DACH2: variants seen among roughly 807,000 people sequenced by gnomAD.
DACH2 encodes the protein dachshund homolog 2.
Under a neutral mutation model 35.8 loss-of-function variants are expected in DACH2, and 17 were observed. The observed-to-expected ratio is 0.48, with a 90% confidence interval of 0.33 to 0.71. The LOEUF (loss-of-function observed/expected upper bound fraction) is 0.71. Ranked by LOEUF, DACH2 falls within the 30% of genes least tolerant of loss-of-function variation. The pLI, the probability that DACH2 is intolerant of heterozygous loss-of-function variation, is 0.02. For missense variants in DACH2, 469 were observed against 472.7 expected, an observed-to-expected ratio of 0.99 and a Z score of 0.07; for synonymous variants, 195 against 177.3, an observed-to-expected ratio of 1.10 and a Z score of -0.79.
At chrX:86,475,053 C>T (rs1001524372) in intron 2 of DACH2, among the ~76,000 whole-genome samples, 4 of 111,649 alleles carry the variant, frequency 3.6e-5, no homozygotes, top group Non-Finnish European at 7.5e-5. Context: ...GTGTTTATAC[C>T]AGTACCATGC....
intron 6 of DACH2, among the ~76,000 whole-genome samples, chrX:86,722,515 A>ATG (rs1310521533): frequency 1.5e-5 from 1 of 68,180 alleles, no homozygotes; most frequent in African/African-American, 7.2e-5. Flanking sequence ...TGCCTGGCTA[A>ATG]TGTGTTTTTT....
intron 2 of DACH2, among the ~76,000 whole-genome samples, chrX:86,503,610 G>A (rs934887371): frequency 1.8e-5 from 2 of 111,650 alleles, no homozygotes; most frequent in Non-Finnish European, 3.8e-5. Flanking sequence ...ATTTCATTTC[G>A]CTTCAGAAAA....
At chrX:86,180,781 T>C (rs2031463081) in intron 1 of DACH2, among the ~76,000 whole-genome samples, 1 of 112,110 alleles carries the variant, frequency 8.9e-6, no homozygotes, top group South Asian at 3.7e-4. Context: ...ATGCTTAATC[T>C]ATTTATTTTG....
chrX:86,554,258 ATAT>A (rs2148314642), intron 3 of DACH2, among the ~76,000 whole-genome samples: 1 of 111,401 alleles, frequency 9.0e-6, no homozygotes, highest in South Asian at 3.7e-4. Flanking sequence ...AACAATAATG[ATAT>A]TATTAATAGT....
intron 3 of DACH2, among the ~76,000 whole-genome samples, chrX:86,523,468 C>T (rs1284578322): frequency 3.6e-5 from 4 of 111,579 alleles, no homozygotes; most frequent in African/African-American, 1.3e-4. Flanking sequence ...CTGATAGTTT[C>T]CTTAAATCAA....
chrX:86,497,629 G>A (rs1602583211), intron 2 of DACH2, among the ~76,000 whole-genome samples: 1 of 111,295 alleles, frequency 9.0e-6, no homozygotes, highest in South Asian at 3.8e-4. Flanking sequence ...TTAAGATGGT[G>A]ATGTGTGGCA....
chrX:86,186,348 A>C (rs749004029), intron 1 of DACH2, among the ~76,000 whole-genome samples: 2 of 112,640 alleles, frequency 1.8e-5, no homozygotes, highest in Non-Finnish European at 1.9e-5. Flanking sequence ...TCAGACTCTG[A>C]CTATAAAATG....
At chrX:86,785,412 A>G (rs747640320) in intron 7 of DACH2, among the ~76,000 whole-genome samples, 2 of 112,052 alleles carry the variant, frequency 1.8e-5, no homozygotes, top group Admixed American at 9.5e-5. Context: ...AGACATTCCA[A>G]TGTAGGCTTG....
Position 86,451,149 on chromosome X carries a change from T to C in DACH2, c.528-63130T>C, listed in dbSNP as rs184924623. Among the ~76,000 whole-genome samples, 12 of 111,787 alleles carry C rather than the reference T, an allele frequency of 1.1e-4. No individual in the cohort carries two copies. In the East Asian group the frequency reaches 3.4e-3, roughly 32 times the overall value. On this transcript the variant is annotated intron_variant, in intron 2 of 11. Coordinates refer to ENST00000373125, the MANE Select transcript of DACH2 (RefSeq NM_053281.3). Reference sequence around the variant, plus strand: ...GTTATGAAATCTTTGCCCGTGCCTATGTTGTGAATATTATTGCCTAGATTT... The same window carrying C: ...GTTATGAAATCTTTGCCCGTGCCTACGTTGTGAATATTATTGCCTAGATTT...
intron 3 of DACH2, among the ~76,000 whole-genome samples, chrX:86,594,016 A>G (rs1194767845): frequency 9.0e-6 from 1 of 111,042 alleles, no homozygotes; most frequent in East Asian, 2.8e-4. Context: ...AATTGATTCA[A>G]TTTCTTTAAT....
chrX:86,301,868 A>T (rs1236363094), intron 1 of DACH2, among the ~76,000 whole-genome samples: 1 of 111,639 alleles, frequency 9.0e-6, no homozygotes, highest in Non-Finnish European at 1.9e-5. Context: ...GTCTATACTT[A>T]TGGGAGTCCA....
chrX:86,729,398 T>C (rs1300528143), intron 6 of DACH2, among the ~76,000 whole-genome samples: 7 of 111,827 alleles, frequency 6.3e-5, no homozygotes. Context: ...AACCAATTAG[T>C]TTTATAGGCT....
chrX:86,478,393 GT>G (rs773046906), intron 2 of DACH2, among the ~76,000 whole-genome samples: 7 of 110,625 alleles, frequency 6.3e-5, no homozygotes, highest in Non-Finnish European at 9.5e-5. Flanking sequence ...AGGGTAAAAG[GT>G]TTTTTCCTTC....
intron 2 of DACH2, among the ~76,000 whole-genome samples, chrX:86,491,121 A>C: frequency 8.9e-6 from 1 of 112,025 alleles, no homozygotes; most frequent in Middle Eastern, 4.6e-3. Context: ...TGCACTCAGT[A>C]AAGAGAAATC....
At chrX:86,463,266 T>G (rs2037606634) in intron 2 of DACH2, among the ~76,000 whole-genome samples, 1 of 106,641 alleles carries the variant, frequency 9.4e-6, no homozygotes, top group African/African-American at 3.3e-5. Context: ...AGATTTAGTT[T>G]CTGCTTGTCC....
chrX:86,445,262 T>A (rs954087472), intron 2 of DACH2, among the ~76,000 whole-genome samples: 13 of 98,942 alleles, frequency 1.3e-4, no homozygotes, highest in South Asian at 9.6e-4. Flanking sequence ...GCAAGAACAA[T>A]AAACCAAACA....
chrX:86,742,446 C>T (rs1307173501), intron 7 of DACH2, among the ~76,000 whole-genome samples: 2 of 110,997 alleles, frequency 1.8e-5, no homozygotes, highest in African/African-American at 3.3e-5. Context: ...AAAACTCACA[C>T]GATCAAGCAG....
At chrX:86,315,800 C>T (rs1252742324) in intron 1 of DACH2, among the ~76,000 whole-genome samples, 1 of 85,753 alleles carries the variant, frequency 1.2e-5, no homozygotes, top group Non-Finnish European at 2.1e-5. Flanking sequence ...CACACACACA[C>T]ACACACACAC....
intron 3 of DACH2, among the ~76,000 whole-genome samples, chrX:86,518,555 G>A (rs551945362): frequency 1.6e-4 from 18 of 111,748 alleles, no homozygotes; most frequent in South Asian, 1.5e-3. Flanking sequence ...ATTTGCTTAC[G>A]TCTTCTCTGA....
Sources: allele counts gnomAD v4.1 joint callset (sites outside exome capture counted in the v4.1 genomes callset), GRCh38; gene constraint gnomAD v4.1.1; transcripts MANE v1.5; gene names NCBI Gene and HGNC (gene_info 2026-07-23, HGNC 2026-07-21).